CPLX2: variants seen among roughly 807,000 people sequenced by gnomAD.
CPLX2 encodes complexin 2, also known as complexin-2.
CPLX2 carries 5 observed loss-of-function variants against 16.3 expected under a neutral mutation model. The observed-to-expected ratio is 0.31, with a 90% CI of 0.16 to 0.64. CPLX2 has a LOEUF of 0.64. Among genes scored for constraint, CPLX2 ranks in the 30% least tolerant of loss-of-function variants. The probability of loss-of-function intolerance (pLI) is 0.79; values close to 1 mark genes in which losing one functional copy is unlikely to be tolerated. For missense variants in CPLX2, 144 were observed against 181.4 expected, an observed-to-expected ratio of 0.79 and a Z score of 1.18; for synonymous variants, 89 against 73.2, an observed-to-expected ratio of 1.22 and a Z score of -1.10.
chr5:175,836,267 A>C (rs572472007), intron 2 of CPLX2, among the ~76,000 whole-genome samples: 66 of 152,006 alleles, frequency 4.3e-4, no homozygotes, highest in Admixed American at 3.3e-4. Context: ...GGAGAATGGC[A>C]TGAACCCGGG....
chr5:175,875,427 A>G (rs555131452), intron 1 of CPLX2, among the ~76,000 whole-genome samples: 4 of 152,174 alleles, frequency 2.6e-5, no homozygotes, highest in Non-Finnish European at 4.4e-5. Context: ...CACTGACATT[A>G]ATTGTTTTGA....
intron 2 of CPLX2, among the ~76,000 whole-genome samples, chr5:175,838,797 C>T (rs1333543407): frequency 6.6e-6 from 1 of 152,254 alleles, no homozygotes; most frequent in Non-Finnish European, 1.5e-5. Context: ...TGCATCTTCA[C>T]TCTAACTTTC....
chr5:175,853,599 G>A (rs553402224), intron 2 of CPLX2, among the ~76,000 whole-genome samples: 112 of 152,324 alleles, frequency 7.4e-4, no homozygotes, highest in African/African-American at 2.6e-3. Context: ...AAGGGGCAGA[G>A]TCTCTCGGAG....
intron 2 of CPLX2, among the ~76,000 whole-genome samples, chr5:175,862,984 T>C (rs1581097617): frequency 6.6e-6 from 1 of 152,236 alleles, no homozygotes. Flanking sequence ...CTCTGTGTTT[T>C]AGAAAGCTCT....
At position 175,882,273 on chromosome 5, in the gene CPLX2, C is replaced by G. The variant is rs962710925; in HGVS notation, c.*2228C>G. ...TGGGCAGGATGGTCATTCTCAAAAA[C>G]CCTGGGGTCCTGGGCCAGAGACAGG... On this transcript the variant is annotated 3_prime_UTR_variant, in exon 4 of 4. Coordinates refer to ENST00000393745, the MANE Select transcript of CPLX2 (RefSeq NM_001008220.2). 6.6e-6 allele frequency: 1 copy of G among 152,604 alleles called. No individual in the cohort carries two copies. Among genetic ancestry groups the G allele is most frequent in the Non-Finnish European group, 1.5e-5 (1 of 68,054 alleles). The allele number at this position is 152,604 out of a possible 1,614,324, so 9.5% of individuals were successfully genotyped here. A position where few individuals can be genotyped will look rare whatever the true frequency, so the allele number is the denominator to read the frequency against.
upstream of CPLX2, among the ~76,000 whole-genome samples, chr5:175,868,022 A>T (rs1198403477): frequency 6.6e-6 from 1 of 152,168 alleles, no homozygotes; most frequent in Non-Finnish European, 1.5e-5. Context: ...AACCTCCCAA[A>T]CCAAGACCAA....
intron 1 of CPLX2, among the ~76,000 whole-genome samples, chr5:175,806,076 G>C (rs1758193304): frequency 1.3e-5 from 2 of 152,146 alleles, no homozygotes; most frequent in Admixed American, 1.3e-4. Context: ...TTGAGCCCCT[G>C]AGGTGCCTGG....
Position 175,819,428 on chromosome 5 carries a change from C to A in CPLX2, c.-89+10360C>A, listed in dbSNP as rs374090371. On this transcript the variant is annotated intron_variant, in intron 2 of 4. Coordinates refer to the CPLX2 transcript ENST00000359546. ...AACATTTGGTATTTTCCGTCTTTTC[C>A]ATTTCAGCGATTCTGGTGGATGTGG... Among the ~76,000 whole-genome samples, 9 of 152,306 alleles carry A rather than the reference C, an allele frequency of 5.9e-5. No individual in the cohort carries two copies. In the East Asian group the frequency reaches 1.7e-3, roughly 29 times the overall value.
intron 2 of CPLX2, among the ~76,000 whole-genome samples, chr5:175,865,081 TGCGCGC>T (rs10586362): frequency 8.8e-5 from 13 of 147,902 alleles, no homozygotes; most frequent in South Asian, 4.2e-4. Context: ...TGCACGCATG[TGCGCGC>T]GCGCACACAC....
Position 175,882,519 on chromosome 5 carries a change from C to G in CPLX2, c.*2474C>G, listed in dbSNP as rs1581109998. ...AGTCGAACCAGATACCCCAGGTGGG[C>G]CGGAGGGACCCCAGACCTTCAGAGG... On this transcript the variant is annotated 3_prime_UTR_variant, in exon 4 of 4. Transcript: ENST00000393745. 6.5e-6 allele frequency: 1 copy of G among 152,948 alleles called. No homozygotes were observed. Among genetic ancestry groups the G allele is most frequent in the East Asian group, 1.9e-4 (1 of 5,172 alleles). The allele number at this position is 152,948 out of a possible 1,614,324, so 9.5% of individuals were successfully genotyped here.
In CPLX2 at chr5:175,804,088, T is replaced by A. The variant is rs185931955; in HGVS notation, c.-168-4901T>A. Reference sequence around the variant, plus strand: ...AATAACTTTTTATGCAATTTTTTTTTAAATTAATGCAAAAAAACCGTGATG... The same window carrying A: ...AATAACTTTTTATGCAATTTTTTTTAAAATTAATGCAAAAAAACCGTGATG... On this transcript the variant is annotated intron_variant, in intron 1 of 4. Transcript: ENST00000359546. 3.9e-3 allele frequency among the ~76,000 whole-genome samples: 595 copies of A among 152,260 alleles called. 2 individuals carry two copies. The highest frequency in any genetic ancestry group is 0.014 in the African/African-American group (568 of 41,564).
chr5:175,831,378 T>C (rs1290349178), intron 2 of CPLX2, among the ~76,000 whole-genome samples: 2 of 152,142 alleles, frequency 1.3e-5, no homozygotes, highest in Non-Finnish European at 2.9e-5. Context: ...GAACCCAGAT[T>C]TGCTTCCTGG....
chr5:175,867,999 C>T (rs1169531492), upstream of CPLX2, among the ~76,000 whole-genome samples: 3 of 152,216 alleles, frequency 2.0e-5, no homozygotes, highest in Non-Finnish European at 4.4e-5. Context: ...TCTGTTTCCT[C>T]GGGCACACGG....
intron 2 of CPLX2, among the ~76,000 whole-genome samples, chr5:175,818,596 C>T (rs1432049334): frequency 6.7e-6 from 1 of 149,198 alleles, no homozygotes; most frequent in Non-Finnish European, 1.5e-5. Flanking sequence ...CGGAAGCTCC[C>T]TTTGCTCCCC....
intron 1 of CPLX2, chr5:175,873,131 C>G (rs1759674404): frequency 6.8e-6 from 1 of 147,550 alleles, no homozygotes; most frequent in Non-Finnish European, 1.5e-5. Flanking sequence ...CCTCACCCCC[C>G]TTCCCGCGCA....
intron 1 of CPLX2, among the ~76,000 whole-genome samples, chr5:175,802,130 G>A (rs1343370906): frequency 1.3e-5 from 2 of 152,204 alleles, no homozygotes; most frequent in Non-Finnish European, 2.9e-5. Context: ...GTACATTGCT[G>A]AATTGGTAGC....
chr5:175,842,738 C>A (rs550511598), intron 2 of CPLX2, among the ~76,000 whole-genome samples: 1 of 152,238 alleles, frequency 6.6e-6, no homozygotes, highest in Non-Finnish European at 1.5e-5. Flanking sequence ...CACAGGCCTG[C>A]GCCTCTGGGT....
intron 1 of CPLX2, among the ~76,000 whole-genome samples, chr5:175,807,183 G>T (rs754410219): frequency 2.8e-4 from 42 of 152,224 alleles, no homozygotes; most frequent in Admixed American, 8.5e-4. Context: ...TCCATTCTAA[G>T]TCATAATAAT....
chr5:175,848,249 A>C (rs1303633843), intron 2 of CPLX2, among the ~76,000 whole-genome samples: 1 of 152,178 alleles, frequency 6.6e-6, no homozygotes, highest in Non-Finnish European at 1.5e-5. Flanking sequence ...CAGCATGTAC[A>C]AAGGCTGAGG....
Sources: allele counts gnomAD v4.1 joint callset (sites outside exome capture counted in the v4.1 genomes callset), GRCh38; gene constraint gnomAD v4.1.1; transcripts MANE v1.5; gene names NCBI Gene and HGNC (gene_info 2026-07-23, HGNC 2026-07-21).